B4GALT1: variants seen among roughly 807,000 people sequenced by gnomAD.
B4GALT1 encodes the protein beta-1,4-galactosyltransferase 1, also known as N-acetyllactosamine synthase.
A neutral mutation model predicts 34.9 loss-of-function variants in B4GALT1; 16 were observed. The ratio of observed to expected loss-of-function variants is 0.46; its 90% CI spans 0.31 to 0.70. The LOEUF is 0.70. Ranked by LOEUF, B4GALT1 falls within the 30% of genes least tolerant of loss-of-function variation. B4GALT1 has a pLI of 0.05. For missense variants in B4GALT1, 445 were observed against 530.5 expected (o/e 0.84, Z 1.58); for synonymous variants, 221 against 218.1 (o/e 1.01, Z -0.12).
intron 2 of B4GALT1, among the ~76,000 whole-genome samples, chr9:33,124,009 C>T (rs1440113220): frequency 2.6e-5 from 4 of 152,186 alleles, no homozygotes; most frequent in South Asian, 2.1e-4. Flanking sequence ...TGCAGTGAGA[C>T]GGAAGGGCAT....
chr9:33,128,784 AGCCC>A (rs1840150207), intron 2 of B4GALT1, among the ~76,000 whole-genome samples: 1 of 152,110 alleles, frequency 6.6e-6, no homozygotes, highest in Admixed American at 6.5e-5. Flanking sequence ...TGAGGCCATA[AGCCC>A]AGGCAGCTGT....
At position 33,167,142 on chromosome 9, in the gene B4GALT1, C is replaced by A. The variant is rs750624082; in HGVS notation, c.28G>T (p.Gly10Cys). The change falls in exon 1 of 6, where the codon GGC becomes TGC. Residue 10 changes from glycine (G) to cysteine (C), a missense_variant. Gly to Cys is a radical substitution (Grantham distance 159). Transcript: ENST00000379731. MRLREPLLS[G>C]SAAMPGASLQ... ...GACGCGCCTGGCATCGCGGCGCTGC[C>A]GCTCAGGAGCGGCTCCCGAAGCCTC... is the stretch of plus-strand genomic sequence containing the variant. 17 of 1,600,844 alleles carry A rather than the reference C, an allele frequency of 1.1e-5. No individual in the cohort carries two copies. Among genetic ancestry groups the A allele is most frequent in the South Asian group, 2.2e-5 (2 of 90,086 alleles).
the B4GALT1 span, among the ~76,000 whole-genome samples, chr9:33,178,510 C>G: frequency 6.6e-6 from 1 of 152,294 alleles, no homozygotes; most frequent in Non-Finnish European, 1.5e-5. Context: ...ATATTTTGTT[C>G]TGAGTGCTCA....
At chr9:33,147,928 G>C (rs1840453023) in intron 1 of B4GALT1, among the ~76,000 whole-genome samples, 2 of 152,110 alleles carry the variant, frequency 1.3e-5, no homozygotes, top group Non-Finnish European at 1.5e-5. Context: ...CAACTACTCA[G>C]GAGGCTGAGG....
the B4GALT1 span, among the ~76,000 whole-genome samples, chr9:33,181,461 A>ACACACACAC: frequency 1.7e-4 from 11 of 65,162 alleles, no homozygotes; most frequent in African/African-American, 4.3e-4. Context: ...CACACACACA[A>ACACACACAC]ACTATTCTTA....
chr9:33,113,773 C>G lies in B4GALT1; in HGVS notation c.1064+1G>C. 1 of 1,614,128 alleles carries G rather than the reference C, an allele frequency of 6.2e-7. No homozygotes were observed. Among genetic ancestry groups the G allele is most frequent in the Non-Finnish European group, 8.5e-7 (1 of 1,179,988 alleles). ...GGAGTATGAATAAACAAAGAATGCA[C>G]CTCTGAGGATTGGGTTCATTTTTCT... On this transcript the variant is annotated splice_donor_variant, in intron 5 of 5. Coordinates refer to ENST00000379731, the MANE Select transcript of B4GALT1 (RefSeq NM_001497.4). LOFTEE classifies it high-confidence loss of function.
At chr9:33,146,315 A>G (rs995370971) in intron 1 of B4GALT1, among the ~76,000 whole-genome samples, 5 of 152,232 alleles carry the variant, frequency 3.3e-5, no homozygotes, top group East Asian at 1.9e-4. Context: ...TATAAACTCC[A>G]TATTAGCCCC....
chr9:33,146,091 G>A (rs1840421690), intron 1 of B4GALT1, among the ~76,000 whole-genome samples: 1 of 152,178 alleles, frequency 6.6e-6, no homozygotes, highest in African/African-American at 2.4e-5. Context: ...AGAGTGACTG[G>A]GGGTCACAAG....
chr9:33,173,419 A>G, the B4GALT1 span, among the ~76,000 whole-genome samples: 1 of 151,650 alleles, frequency 6.6e-6, no homozygotes, highest in Non-Finnish European at 1.5e-5. Flanking sequence ...AAAAAAGCAA[A>G]AAAAAAAAAA....
intron 1 of B4GALT1, among the ~76,000 whole-genome samples, chr9:33,159,379 G>A (rs1420969546): frequency 1.3e-5 from 2 of 152,148 alleles, no homozygotes; most frequent in African/African-American, 2.4e-5. Context: ...CACTGTATCC[G>A]TCACACTGCT....
At chr9:33,147,495 C>T (rs1156689234) in intron 1 of B4GALT1, among the ~76,000 whole-genome samples, 2 of 151,962 alleles carry the variant, frequency 1.3e-5, no homozygotes, top group African/African-American at 2.4e-5. Context: ...GATCTGCCCA[C>T]CTCGGCCTCC....
At chr9:33,127,018 G>A (rs1840121444) in intron 2 of B4GALT1, among the ~76,000 whole-genome samples, 1 of 152,162 alleles carries the variant, frequency 6.6e-6, no homozygotes, top group Non-Finnish European at 1.5e-5. Context: ...CTGGAGTGCA[G>A]TGGCGCGATC....
At chr9:33,134,799 G>T (rs931233015) in intron 2 of B4GALT1, among the ~76,000 whole-genome samples, 11 of 152,186 alleles carry the variant, frequency 7.2e-5, no homozygotes, top group African/African-American at 2.7e-4. Flanking sequence ...AAACTTTGAA[G>T]TTACCTAAAA....
chr9:33,121,720 C>T (rs1416206637), intron 2 of B4GALT1, among the ~76,000 whole-genome samples: 7 of 151,748 alleles, frequency 4.6e-5, no homozygotes, highest in African/African-American at 1.7e-4. Flanking sequence ...TTTTTTTATT[C>T]ACCCAGTTCC....
chr9:33,162,675 G>A (rs1050036615), intron 1 of B4GALT1, among the ~76,000 whole-genome samples: 4 of 152,202 alleles, frequency 2.6e-5, no homozygotes, highest in Non-Finnish European at 5.9e-5. Flanking sequence ...GAATGCTACA[G>A]TTCTAAGAAG....
chr9:33,161,348 A>G (rs1166339327), intron 1 of B4GALT1, among the ~76,000 whole-genome samples: 1 of 149,830 alleles, frequency 6.7e-6, no homozygotes, highest in Non-Finnish European at 1.5e-5. Flanking sequence ...CCCAAGCCCC[A>G]CTCTCCAACC....
chr9:33,146,854 C>T (rs1840433233), intron 1 of B4GALT1, among the ~76,000 whole-genome samples: 1 of 152,152 alleles, frequency 6.6e-6, no homozygotes, highest in South Asian at 2.1e-4. Flanking sequence ...TCACCACACA[C>T]CACATCCAGC....
At chr9:33,173,473 G>C in the B4GALT1 span, among the ~76,000 whole-genome samples, 4 of 151,302 alleles carry the variant, frequency 2.6e-5, no homozygotes, top group African/African-American at 9.7e-5. Context: ...CTGACAGTCA[G>C]AGGAGTTACA....
At chr9:33,154,440 T>A (rs1173580353) in intron 1 of B4GALT1, among the ~76,000 whole-genome samples, 1 of 152,202 alleles carries the variant, frequency 6.6e-6, no homozygotes, top group East Asian at 1.9e-4. Context: ...ACATATGTTG[T>A]CTCTTAGCAT....
Sources: gnomAD v4.1 joint callset for allele counts (sites outside exome capture counted in the v4.1 genomes callset) on GRCh38, gnomAD v4.1.1 for gene constraint, MANE v1.5 for transcripts, NCBI Gene and HGNC (gene_info 2026-07-23, HGNC 2026-07-21) for gene names.